PLPPR5: variants seen among roughly 807,000 people sequenced by gnomAD.
PLPPR5 encodes phospholipid phosphatase-related protein type 5.
A neutral mutation model predicts 33.9 loss-of-function variants in PLPPR5; 16 were observed. The observed-to-expected ratio is 0.47, with a 90% CI of 0.32 to 0.72. The LOEUF (loss-of-function observed/expected upper bound fraction) is 0.72, where lower values mean the gene tolerates loss of function less well. PLPPR5 is among the 30% of genes least tolerant of loss of function. PLPPR5 has a pLI of 0.03. For missense variants in PLPPR5, 301 were observed against 406.7 expected (o/e 0.74, Z 2.23); for synonymous variants, 163 against 150.3 (o/e 1.08, Z -0.62).
At chr1:98,936,641 T>A (rs1490736963) in intron 3 of PLPPR5, among the ~76,000 whole-genome samples, 1 of 152,210 alleles carries the variant, frequency 6.6e-6, no homozygotes, top group Non-Finnish European at 1.5e-5. Context: ...GGGTCTTCTA[T>A]AAATGCCAAG....
intron 3 of PLPPR5, among the ~76,000 whole-genome samples, chr1:98,925,925 T>TTATAACCA (rs1649742081): frequency 1.3e-5 from 2 of 152,200 alleles, no homozygotes; most frequent in Non-Finnish European, 2.9e-5. Context: ...ATGGTTATAA[T>TTATAACCA]TTATTTTCAT....
At chr1:98,988,129 T>A (rs114005940) in intron 1 of PLPPR5, among the ~76,000 whole-genome samples, 1 of 152,202 alleles carries the variant, frequency 6.6e-6, no homozygotes, top group African/African-American at 2.4e-5. Flanking sequence ...AGACCTAGAA[T>A]GAATCTGTAT....
At chr1:98,971,545 A>G (rs1432941936) in intron 1 of PLPPR5, among the ~76,000 whole-genome samples, 2 of 151,954 alleles carry the variant, frequency 1.3e-5, no homozygotes, top group Non-Finnish European at 2.9e-5. Context: ...TATACTTGTA[A>G]GGCAATCTAT....
intron 3 of PLPPR5, among the ~76,000 whole-genome samples, chr1:98,938,895 A>G (rs1650276658): frequency 6.6e-6 from 1 of 152,180 alleles, no homozygotes; most frequent in Admixed American, 6.5e-5. Context: ...AAAACCAAAT[A>G]CCACATGTTC....
intron 1 of PLPPR5, among the ~76,000 whole-genome samples, chr1:98,995,770 A>G (rs1483623407): frequency 6.6e-6 from 1 of 152,136 alleles, no homozygotes; most frequent in Non-Finnish European, 1.5e-5. Context: ...TAGAGAATGG[A>G]ATATGTAAAC....
At chr1:98,933,943 A>G (rs930753970) in intron 3 of PLPPR5, among the ~76,000 whole-genome samples, 3 of 152,184 alleles carry the variant, frequency 2.0e-5, no homozygotes, top group African/African-American at 7.2e-5. Context: ...TTTGTTACTT[A>G]CGCAAAAGGA....
intron 1 of PLPPR5, among the ~76,000 whole-genome samples, chr1:98,981,804 A>C (rs1267615920): frequency 6.6e-6 from 1 of 152,104 alleles, no homozygotes; most frequent in Non-Finnish European, 1.5e-5. Context: ...GCTAATTTGC[A>C]CTTGTTTGAT....
chr1:98,900,522 G>T (rs569964701), intron 5 of PLPPR5, among the ~76,000 whole-genome samples: 1 of 151,442 alleles, frequency 6.6e-6, no homozygotes, highest in Non-Finnish European at 1.5e-5. Flanking sequence ...CATATATTAC[G>T]AATCTGATTA....
At chr1:98,940,727 C>T (rs925296046) in intron 3 of PLPPR5, among the ~76,000 whole-genome samples, 2 of 151,788 alleles carry the variant, frequency 1.3e-5, no homozygotes, top group East Asian at 1.9e-4. Context: ...GCAAACAACA[C>T]AAAGAAGGTA....
At chr1:98,901,212 G>T (rs1194731701) in intron 5 of PLPPR5, among the ~76,000 whole-genome samples, 1 of 152,064 alleles carries the variant, frequency 6.6e-6, no homozygotes, top group Non-Finnish European at 1.5e-5. Flanking sequence ...AACTCAAAAT[G>T]CATGAGTCCA....
intron 1 of PLPPR5, among the ~76,000 whole-genome samples, chr1:99,003,005 A>G (rs1157177718): frequency 6.9e-6 from 1 of 144,308 alleles, no homozygotes; most frequent in Non-Finnish European, 1.5e-5. Context: ...AGAGAACACA[A>G]ACATGAAGGC....
intron 1 of PLPPR5, among the ~76,000 whole-genome samples, chr1:98,986,164 C>T (rs1374552471): frequency 6.6e-6 from 1 of 151,804 alleles, no homozygotes; most frequent in Admixed American, 6.6e-5. Context: ...TGAGTCATTT[C>T]TAAGTTAGCT....
intron 1 of PLPPR5, among the ~76,000 whole-genome samples, chr1:98,990,664 T>C (rs985343674): frequency 6.6e-6 from 1 of 152,120 alleles, no homozygotes; most frequent in Non-Finnish European, 1.5e-5. Flanking sequence ...AAGAAAATAT[T>C]AGAAATCAGT....
At chr1:98,992,088 A>T (rs1652471949) in intron 1 of PLPPR5, among the ~76,000 whole-genome samples, 1 of 152,212 alleles carries the variant, frequency 6.6e-6, no homozygotes, top group African/African-American at 2.4e-5. Context: ...ACTGTTGAGT[A>T]GAAGCATTAA....
intron 5 of PLPPR5, among the ~76,000 whole-genome samples, chr1:98,902,123 A>T (rs904856478): frequency 1.3e-5 from 2 of 152,062 alleles, no homozygotes; most frequent in Admixed American, 6.6e-5. Flanking sequence ...AATGGAAATA[A>T]GACACACTCA....
At chr1:98,905,142 T>G (rs1224931293) in intron 5 of PLPPR5, among the ~76,000 whole-genome samples, 1 of 152,148 alleles carries the variant, frequency 6.6e-6, no homozygotes, top group Non-Finnish European at 1.5e-5. Flanking sequence ...AACTACTCAC[T>G]TTCTTAAAGT....
intron 1 of PLPPR5, among the ~76,000 whole-genome samples, chr1:98,973,065 A>G (rs776104975): frequency 6.6e-6 from 1 of 151,950 alleles, no homozygotes; most frequent in Non-Finnish European, 1.5e-5. Flanking sequence ...TGGATCTTTG[A>G]CCTATTGTTC....
chr1:98,943,829 C>T (rs976054815), intron 3 of PLPPR5, among the ~76,000 whole-genome samples: 13 of 152,132 alleles, frequency 8.5e-5, no homozygotes, highest in African/African-American at 2.9e-4. Context: ...ACCACTGAAT[C>T]TTCAACCAAC....
chr1:98,933,196 A>ATTTT (rs1557674458), intron 3 of PLPPR5, among the ~76,000 whole-genome samples: 16 of 148,686 alleles, frequency 1.1e-4, no homozygotes, highest in South Asian at 1.1e-3. Flanking sequence ...GGCTTTTTAA[A>ATTTT]AAAAAAAAAA....
Sources: gnomAD v4.1 joint callset for allele counts (sites outside exome capture counted in the v4.1 genomes callset) on GRCh38, gnomAD v4.1.1 for gene constraint, MANE v1.5 for transcripts, NCBI Gene and HGNC (gene_info 2026-07-23, HGNC 2026-07-21) for gene names.